Variants in PHEX observed in about 807,000 individuals in gnomAD.
PHEX encodes the protein phosphate-regulating neutral endopeptidase PHEX.
PHEX carries 16 observed loss-of-function variants against 68.0 expected under a neutral mutation model. The observed-to-expected ratio is 0.24, with a 90% CI of 0.16 to 0.36. PHEX has a LOEUF of 0.36. Among genes scored for constraint, PHEX ranks in the 10% least tolerant of loss-of-function variants. The probability of loss-of-function intolerance (pLI) is 1.00; values close to 1 mark genes in which losing one functional copy is unlikely to be tolerated. For synonymous variants in PHEX, 208 were observed against 205.1 expected (o/e 1.01, Z -0.12); for missense variants, 480 against 575.5 (o/e 0.83, Z 1.70).
Position 22,046,738 on chromosome X carries a change from T to C in PHEX, c.188-312T>C, listed in dbSNP as rs186025106. ...TGCATCACCATATCTGGCTAATTTTTGTATTTTTAGTAGAGATGGGTTTTC... is the reference window on the plus strand; with the variant it reads ...TGCATCACCATATCTGGCTAATTTTCGTATTTTTAGTAGAGATGGGTTTTC... On this transcript the variant is annotated intron_variant, in intron 2 of 21. Transcript: ENST00000379374. 7.6e-3 allele frequency among the ~76,000 whole-genome samples: 837 copies of C among 110,021 alleles called. 5 individuals are homozygous for C. Among genetic ancestry groups the C allele is most frequent in the Middle Eastern group, 0.014 (3 of 216 alleles).
chrX:22,057,659 T>TAA (rs1258369318), intron 3 of PHEX, among the ~76,000 whole-genome samples: 1 of 111,244 alleles, frequency 9.0e-6, no homozygotes, highest in African/African-American at 3.3e-5. Flanking sequence ...TTGTGGTCCT[T>TAA]ATAACCATCT....
At chrX:22,229,742 T>A (rs1158547686) in intron 20 of PHEX, among the ~76,000 whole-genome samples, 1 of 112,420 alleles carries the variant, frequency 8.9e-6, no homozygotes, top group African/African-American at 3.2e-5. Context: ...CTCTTTAGTT[T>A]AATTAGATTC....
chrX:22,051,083 G>T (rs551891006), intron 3 of PHEX, among the ~76,000 whole-genome samples: 2 of 111,963 alleles, frequency 1.8e-5, no homozygotes, highest in East Asian at 2.8e-4. Flanking sequence ...CTCTGGGAAA[G>T]ACATAATTCA....
At chrX:22,098,333 G>A (rs1930241768) in intron 8 of PHEX, among the ~76,000 whole-genome samples, 1 of 108,135 alleles carries the variant, frequency 9.2e-6, no homozygotes, top group Non-Finnish European at 1.9e-5. Context: ...TGGACAGGGA[G>A]AGAGCAGAAT....
intron 5 of PHEX, among the ~76,000 whole-genome samples, chrX:22,079,241 T>C (rs1349409652): frequency 8.9e-6 from 1 of 111,902 alleles, no homozygotes; most frequent in Non-Finnish European, 1.9e-5. Flanking sequence ...TTCTCACCTA[T>C]TTCTGGATCT....
At chrX:22,217,176 A>G (rs1407738820) in intron 16 of PHEX, among the ~76,000 whole-genome samples, 1 of 112,052 alleles carries the variant, frequency 8.9e-6, no homozygotes, top group East Asian at 2.8e-4. Context: ...AGAGACCTGG[A>G]AAAACTAAAT....
chrX:22,243,567 G>A (rs1001937903), intron 20 of PHEX, among the ~76,000 whole-genome samples: 3 of 111,387 alleles, frequency 2.7e-5, no homozygotes, highest in Non-Finnish European at 5.7e-5. Context: ...ATCTACAAAG[G>A]ACTTACACAA....
intron 3 of PHEX, among the ~76,000 whole-genome samples, chrX:22,074,960 T>A (rs7877786): frequency 9.2e-6 from 1 of 108,451 alleles, no homozygotes; most frequent in Non-Finnish European, 1.9e-5. Flanking sequence ...ACCTGTAATC[T>A]CAGCTACTCG....
chrX:22,183,672 A>G (rs1388314970), intron 14 of PHEX, among the ~76,000 whole-genome samples: 8 of 110,867 alleles, frequency 7.2e-5, no homozygotes, highest in Non-Finnish European at 1.5e-4. Flanking sequence ...AGATCTATAT[A>G]ATCTTGCCCT....
At chrX:22,129,381 T>G (rs758824506) in intron 11 of PHEX, among the ~76,000 whole-genome samples, 6 of 112,118 alleles carry the variant, frequency 5.4e-5, no homozygotes, top group Non-Finnish European at 7.5e-5. Flanking sequence ...GTACTTCTCT[T>G]CCTAGTAATA....
intron 3 of PHEX, among the ~76,000 whole-genome samples, chrX:22,057,945 TCTC>T (rs1407176794): frequency 9.0e-6 from 1 of 110,924 alleles, no homozygotes; most frequent in Non-Finnish European, 1.9e-5. Flanking sequence ...TTTCACTCCA[TCTC>T]CTCCTGTGCC....
chrX:22,224,985 C>CGCCG (rs1935418804), intron 18 of PHEX, among the ~76,000 whole-genome samples: 1 of 107,163 alleles, frequency 9.3e-6, no homozygotes, highest in Non-Finnish European at 2.0e-5. Context: ...TATCATACAG[C>CGCCG]TCTGTATGTC....
chrX:22,065,898 C>A lies in PHEX; in HGVS notation c.350-10490C>A, dbSNP rs113235503. 4.3e-3 allele frequency among the ~76,000 whole-genome samples: 477 copies of A among 111,938 alleles called. 1 individual carries two copies. The highest frequency in any genetic ancestry group is 0.014 in the African/African-American group (442 of 30,835). ...ATGTGACTTGCCCAAACCAATCCAGCCATATAATTTGTTCGCCACAGATTA... is the reference window on the plus strand; with the variant it reads ...ATGTGACTTGCCCAAACCAATCCAGACATATAATTTGTTCGCCACAGATTA... On this transcript the variant is annotated intron_variant, in intron 3 of 21. Transcript: ENST00000379374.
At chrX:22,148,313 G>C (rs1002731144) in intron 12 of PHEX, among the ~76,000 whole-genome samples, 1 of 111,279 alleles carries the variant, frequency 9.0e-6, no homozygotes, top group African/African-American at 3.3e-5. Flanking sequence ...AGCAGAAGCT[G>C]CCGGTCCTCT....
intron 6 of PHEX, among the ~76,000 whole-genome samples, chrX:22,091,788 G>A (rs1467284867): frequency 8.9e-6 from 1 of 112,133 alleles, no homozygotes; most frequent in Non-Finnish European, 1.9e-5. Flanking sequence ...AAGGAAAGAG[G>A]TTTAATGGAC....
At chrX:22,102,396 C>G (rs756676844) in intron 9 of PHEX, among the ~76,000 whole-genome samples, 1 of 112,480 alleles carries the variant, frequency 8.9e-6, no homozygotes, top group Admixed American at 9.4e-5. Context: ...CTGGAAATGA[C>G]AGGATCTCAT....
At position 22,088,001 on chromosome X, in the gene PHEX, G is replaced by C. The variant is rs1929698695; in HGVS notation, c.664-2428G>C. 2.7e-5 allele frequency among the ~76,000 whole-genome samples: 3 copies of C among 111,733 alleles called. No homozygotes were observed. In the South Asian group the frequency reaches 1.1e-3, roughly 42 times the overall value. On this transcript the variant is annotated intron_variant, in intron 5 of 21. Transcript: ENST00000379374. ...GTCATGTAACCACCACTGTAATCAA[G>C]AAATAGAATAGTCCCATCATCCACC...
At chrX:22,088,345 C>T (rs193054392) in intron 5 of PHEX, among the ~76,000 whole-genome samples, 2 of 111,487 alleles carry the variant, frequency 1.8e-5, no homozygotes, top group East Asian at 2.8e-4. Flanking sequence ...ATTGCTGGCT[C>T]TTGTGTAAAT....
intron 14 of PHEX, among the ~76,000 whole-genome samples, chrX:22,182,592 T>TTGTGTGTGTGTG (rs9331474): frequency 2.7e-4 from 28 of 103,008 alleles, no homozygotes; most frequent in African/African-American, 9.9e-4. Flanking sequence ...TGAAGATGCT[T>TTGTGTGTGTGTG]TGTGTGTGTG....
Sources: allele counts gnomAD v4.1 joint callset (sites outside exome capture counted in the v4.1 genomes callset), GRCh38; gene constraint gnomAD v4.1.1; transcripts MANE v1.5; gene names NCBI Gene and HGNC (gene_info 2026-07-23, HGNC 2026-07-21).